SPAG16: variants seen among roughly 807,000 people sequenced by gnomAD.
The protein encoded by SPAG16 is sperm-associated antigen 16 protein.
SPAG16 carries 86 observed loss-of-function variants against 80.4 expected under a neutral mutation model. The observed-to-expected ratio is 1.07, with a 90% CI of 0.90 to 1.28. SPAG16 has a LOEUF of 1.28. Among genes scored for constraint, SPAG16 ranks in the 50% most tolerant of loss-of-function variants. The probability of loss-of-function intolerance (pLI) is 0.00; values close to 1 mark genes in which losing one functional copy is unlikely to be tolerated. For synonymous variants in SPAG16, 294 were observed against 265.9 expected (o/e 1.11, Z -1.03); for missense variants, 870 against 765.3 (o/e 1.14, Z -1.61).
chr2:214,311,886 C>A (rs924910076), intron 15 of SPAG16, among the ~76,000 whole-genome samples: 2 of 152,160 alleles, frequency 1.3e-5, no homozygotes, highest in African/African-American at 4.8e-5. Flanking sequence ...GTATGCCCCA[C>A]TCTACATAGC....
chr2:213,817,256 GATAT>G (rs549146369), intron 10 of SPAG16, among the ~76,000 whole-genome samples: 6 of 140,852 alleles, frequency 4.3e-5, no homozygotes, highest in South Asian at 2.2e-4. Context: ...TTATATATAT[GATAT>G]ATATATATAT....
intron 2 of SPAG16, 151 bp from the exon 3 acceptor site, chr2:213,297,111 C>T (rs550068642): frequency 1.4e-6 from 2 of 1,477,696 alleles, no homozygotes; most frequent in South Asian, 2.5e-5. Context: ...AGCAGTTATT[C>T]ATTTTTCATG....
At chr2:213,875,290 T>C (rs897327083) in intron 11 of SPAG16, among the ~76,000 whole-genome samples, 10 of 152,060 alleles carry the variant, frequency 6.6e-5, no homozygotes, top group African/African-American at 2.2e-4. Context: ...GATGCACTCA[T>C]TGAAAAAATC....
intron 15 of SPAG16, among the ~76,000 whole-genome samples, chr2:214,278,577 T>C (rs1430530120): frequency 6.6e-6 from 1 of 152,190 alleles, no homozygotes; most frequent in East Asian, 1.9e-4. Context: ...ATAAAGAGAC[T>C]ATCTAAATGC....
At position 213,574,601 on chromosome 2, in the gene SPAG16, C is replaced by T. The variant is rs534230589; in HGVS notation, c.1070+84511C>T. 2.7e-5 allele frequency among the ~76,000 whole-genome samples: 4 copies of T among 150,640 alleles called. No individual in the cohort carries two copies. In the East Asian group the frequency reaches 5.8e-4, roughly 22 times the overall value. On this transcript the variant is annotated intron_variant, in intron 10 of 15. Transcript: ENST00000331683. ...ACTAATTGAGTTCATGTTAATCCCT[C>T]ACCCTTACTCACTGTAGTTGTAACT...
At chr2:213,540,098 G>A (rs1343595112) in intron 10 of SPAG16, among the ~76,000 whole-genome samples, 1 of 141,968 alleles carries the variant, frequency 7.0e-6, no homozygotes, top group African/African-American at 2.6e-5. Context: ...GCAGTGGCCC[G>A]ATCTTGGCTC....
intron 10 of SPAG16, among the ~76,000 whole-genome samples, chr2:213,573,511 G>C (rs1576026126): frequency 6.6e-6 from 1 of 152,084 alleles, no homozygotes; most frequent in African/African-American, 2.4e-5. Context: ...TTGCATTTTG[G>C]TAAACAGTAG....
At chr2:214,265,117 G>C (rs1378024413) in intron 15 of SPAG16, among the ~76,000 whole-genome samples, 1 of 152,054 alleles carries the variant, frequency 6.6e-6, no homozygotes, top group South Asian at 2.1e-4. Context: ...TTGAGTAAAC[G>C]CTTAGAACAA....
intron 13 of SPAG16, among the ~76,000 whole-genome samples, chr2:214,018,174 T>A (rs962897842): frequency 2.0e-5 from 3 of 152,028 alleles, no homozygotes; most frequent in Non-Finnish European, 2.9e-5. Context: ...AATACGATAA[T>A]CCAAAAATTA....
chr2:213,607,853 T>C (rs1019681303), intron 10 of SPAG16, among the ~76,000 whole-genome samples: 5 of 152,218 alleles, frequency 3.3e-5, no homozygotes, highest in African/African-American at 9.6e-5. Flanking sequence ...TGCAACTGCC[T>C]CCGATTTTAG....
At chr2:213,498,937 C>G (rs2074617187) in intron 10 of SPAG16, among the ~76,000 whole-genome samples, 1 of 152,154 alleles carries the variant, frequency 6.6e-6, no homozygotes, top group African/African-American at 2.4e-5. Flanking sequence ...TGGTCTGCCT[C>G]CAGTCACTCC....
chr2:213,665,275 C>T (rs2063560770), intron 10 of SPAG16, among the ~76,000 whole-genome samples: 2 of 152,064 alleles, frequency 1.3e-5, no homozygotes. Context: ...TATTATTTCA[C>T]TGTACAAAAA....
At chr2:213,321,517 T>C (rs28433726) in intron 5 of SPAG16, among the ~76,000 whole-genome samples, 29,445 of 152,116 alleles carry the variant, frequency 0.19, 3,788 homozygotes, top group Non-Finnish European at 0.29. Flanking sequence ...CTCTAAATGC[T>C]GTCATCTCTA....
At chr2:213,973,370 C>T (rs746823765) in intron 12 of SPAG16, among the ~76,000 whole-genome samples, 6 of 152,040 alleles carry the variant, frequency 3.9e-5, no homozygotes, top group Non-Finnish European at 5.9e-5. Context: ...ATAGCACCTT[C>T]TGTCTCCTCT....
chr2:213,737,517 TC>T (rs2067340104), intron 10 of SPAG16, among the ~76,000 whole-genome samples: 1 of 148,398 alleles, frequency 6.7e-6, no homozygotes, highest in Non-Finnish European at 1.5e-5. Flanking sequence ...AGACGGAGTC[TC>T]GCTCTGTCGC....
chr2:214,032,160 A>G (rs2048447814), intron 13 of SPAG16, among the ~76,000 whole-genome samples: 1 of 152,140 alleles, frequency 6.6e-6, no homozygotes, highest in African/African-American at 2.4e-5. Context: ...TATTTGTCTT[A>G]GGGTACACTT....
chr2:213,763,003 A>T (rs1003022340), intron 10 of SPAG16, among the ~76,000 whole-genome samples: 3 of 152,230 alleles, frequency 2.0e-5, no homozygotes, highest in Non-Finnish European at 4.4e-5. Context: ...CTCCAAAGAC[A>T]TAAAAATGTT....
At chr2:214,323,641 G>A (rs559022601) in intron 15 of SPAG16, among the ~76,000 whole-genome samples, 11 of 152,278 alleles carry the variant, frequency 7.2e-5, no homozygotes, top group African/African-American at 9.6e-5. Context: ...CAAATAGATT[G>A]CGATATTTCT....
chr2:213,827,425 T>G (rs2073371177), intron 10 of SPAG16, among the ~76,000 whole-genome samples: 1 of 152,092 alleles, frequency 6.6e-6, no homozygotes, highest in Non-Finnish European at 1.5e-5. Flanking sequence ...TTGACACTCT[T>G]TGCATAAATA....
Sources: gnomAD v4.1 joint callset for allele counts (sites outside exome capture counted in the v4.1 genomes callset) on GRCh38, gnomAD v4.1.1 for gene constraint, MANE v1.5 for transcripts, NCBI Gene and HGNC (gene_info 2026-07-23, HGNC 2026-07-21) for gene names.